Variants in ADGRL2 observed in about 807,000 individuals in gnomAD.
The protein encoded by ADGRL2 is calcium-independent alpha-latrotoxin receptor 2.
ADGRL2 carries 44 observed loss-of-function variants against 157.4 expected under a neutral mutation model. The ratio of observed to expected loss-of-function variants is 0.28; its 90% CI spans 0.22 to 0.36. The LOEUF is 0.36. ADGRL2 is among the 10% of genes least tolerant of loss of function. ADGRL2 has a pLI of 1.00. For missense variants in ADGRL2, 1,510 were observed against 1,768.9 expected, an observed-to-expected ratio of 0.85 and a Z score of 2.63; for synonymous variants, 585 against 624.7, an observed-to-expected ratio of 0.94 and a Z score of 0.95.
At chr1:81,986,869 T>C in intron 21 of ADGRL2, 32 bp from the exon 22 acceptor site, 2 of 1,587,630 alleles carry the variant, frequency 1.3e-6, no homozygotes, top group Non-Finnish European at 1.7e-6. Flanking sequence ...TACTTTTCTC[T>C]GTTTTTTTGT....
chr1:81,373,159 GT>G (rs1178381854), intron 1 of ADGRL2, among the ~76,000 whole-genome samples: 1 of 152,104 alleles, frequency 6.6e-6, no homozygotes, highest in African/African-American at 2.4e-5. Flanking sequence ...TCTTACCTCT[GT>G]ACAGAACCTT....
intron 2 of ADGRL2, among the ~76,000 whole-genome samples, chr1:81,767,131 CAACATT>C (rs1415013347): frequency 6.6e-6 from 1 of 152,062 alleles, no homozygotes; most frequent in Non-Finnish European, 1.5e-5. Flanking sequence ...CTCTTCTACT[CAACATT>C]AAGATCTTGA....
chr1:81,708,033 TTC>T (rs930887864), intron 1 of ADGRL2, among the ~76,000 whole-genome samples: 2 of 152,204 alleles, frequency 1.3e-5, no homozygotes, highest in Non-Finnish European at 1.5e-5. Context: ...CCTACGCTTG[TTC>T]TCTCTTTCTT....
chr1:81,369,207 A>C (rs1327148108), intron 1 of ADGRL2, among the ~76,000 whole-genome samples: 1 of 152,128 alleles, frequency 6.6e-6, no homozygotes, highest in Admixed American at 6.6e-5. Flanking sequence ...AGATAGTGAT[A>C]CATAGAGAAG....
chr1:81,503,146 C>A, intron 2 of ADGRL2: 1 of 1,614,138 alleles, frequency 6.2e-7, no homozygotes, highest in South Asian at 1.1e-5. Context: ...GCAGGCCTTC[C>A]AGCGCAACTT....
chr1:81,441,926 C>T (rs2101681710), intron 1 of ADGRL2, among the ~76,000 whole-genome samples: 1 of 152,212 alleles, frequency 6.6e-6, no homozygotes, highest in South Asian at 2.1e-4. Context: ...TGCAGGACCT[C>T]CTGGCCTCAA....
intron 2 of ADGRL2, among the ~76,000 whole-genome samples, chr1:81,465,977 G>A (rs1198257208): frequency 6.6e-6 from 1 of 152,138 alleles, no homozygotes; most frequent in African/African-American, 2.4e-5. Flanking sequence ...AGTGAGGAAA[G>A]ACCAAGTAAC....
At chr1:81,634,523 TTTG>T (rs1409448271) in intron 3 of ADGRL2, among the ~76,000 whole-genome samples, 47 of 148,148 alleles carry the variant, frequency 3.2e-4, no homozygotes, top group South Asian at 4.2e-4. Flanking sequence ...TTTTTTTTTT[TTTG>T]GTTTTTTTGT....
At chr1:81,336,877 C>T (rs1661680122) in intron 1 of ADGRL2, among the ~76,000 whole-genome samples, 2 of 152,116 alleles carry the variant, frequency 1.3e-5, no homozygotes, top group Admixed American at 6.5e-5. Flanking sequence ...TGCCCTGTCT[C>T]CCATCTTGTA....
intron 3 of ADGRL2, chr1:81,596,309 T>C: frequency 1.8e-6 from 1 of 551,036 alleles, no homozygotes; most frequent in Non-Finnish European, 3.5e-6. Context: ...AAGGATTTTT[T>C]CTTGTAGTGA....
chr1:81,391,495 G>A (rs556459441), intron 1 of ADGRL2, among the ~76,000 whole-genome samples: 1,132 of 152,256 alleles, frequency 7.4e-3, no homozygotes, highest in African/African-American at 0.026. Flanking sequence ...AATTCAGTTT[G>A]TATGTATTTT....
chr1:81,628,725 T>G (rs1235627070), intron 3 of ADGRL2, among the ~76,000 whole-genome samples: 1 of 152,134 alleles, frequency 6.6e-6, no homozygotes, highest in Non-Finnish European at 1.5e-5. Context: ...GCAGAATATT[T>G]AGGGAAAACA....
chr1:81,827,224 G>T (rs1184158555), intron 1 of ADGRL2, among the ~76,000 whole-genome samples: 1 of 152,082 alleles, frequency 6.6e-6, no homozygotes, highest in Non-Finnish European at 1.5e-5. Flanking sequence ...TAGCAAATTA[G>T]AATTTAGCAT....
At chr1:81,332,904 T>C (rs1269954950) in intron 1 of ADGRL2, among the ~76,000 whole-genome samples, 1 of 152,184 alleles carries the variant, frequency 6.6e-6, no homozygotes, top group Non-Finnish European at 1.5e-5. Context: ...TTTTTCCCCT[T>C]GGACAAAAAT....
chr1:81,797,253 G>A (rs1321420637), upstream of ADGRL2, among the ~76,000 whole-genome samples: 2 of 151,996 alleles, frequency 1.3e-5, no homozygotes, highest in South Asian at 2.1e-4. Context: ...GTCATTCCAC[G>A]TGTTTTTTGT....
At chr1:81,464,432 G>GA (rs145791140) in intron 2 of ADGRL2, among the ~76,000 whole-genome samples, 18,630 of 152,042 alleles carry the variant, frequency 0.12, 1,745 homozygotes, top group East Asian at 0.53. Context: ...CACAGCAGGG[G>GA]AAAAACTGCT....
At chr1:81,845,530 T>A (rs2092753537) in intron 2 of ADGRL2, among the ~76,000 whole-genome samples, 1 of 152,072 alleles carries the variant, frequency 6.6e-6, no homozygotes, top group African/African-American at 2.4e-5. Flanking sequence ...AAAAAGGGTA[T>A]CTGATTATAA....
Position 81,502,297 on chromosome 1 carries a change from A to G in ADGRL2, c.-248+57208A>G, listed in dbSNP as rs757628362. The G allele has an allele frequency of 1.5e-4, 247 of 1,613,982 alleles. 1 individual carries two copies. The Middle Eastern group carries it at 2.0e-3, about 13-fold the overall frequency. ...CCTCATCTTCTGTCTCCACAGCAGG[A>G]CAGCTGAACTGGAATCTGGATGAGC... On this transcript the variant is annotated intron_variant, in intron 2 of 24. Transcript: ENST00000370721.
chr1:81,765,432 T>C (rs1571129868), intron 2 of ADGRL2, among the ~76,000 whole-genome samples: 1 of 152,058 alleles, frequency 6.6e-6, no homozygotes, highest in South Asian at 2.1e-4. Context: ...AAACTATTTC[T>C]TTCTGATTTG....
Sources: allele counts gnomAD v4.1 joint callset (sites outside exome capture counted in the v4.1 genomes callset), GRCh38; gene constraint gnomAD v4.1.1; transcripts MANE v1.5; gene names NCBI Gene and HGNC (gene_info 2026-07-23, HGNC 2026-07-21).